The following LDLRAD4 variants were observed in gnomAD, a reference collection of about 807,000 sequenced individuals.
LDLRAD4 encodes the protein low-density lipoprotein receptor class A domain-containing protein 4.
LDLRAD4 carries 5 observed loss-of-function variants against 17.0 expected under a neutral mutation model. The observed-to-expected ratio is 0.29, with a 90% CI of 0.15 to 0.62. The LOEUF is 0.62. Among genes scored for constraint, LDLRAD4 ranks in the 20% least tolerant of loss-of-function variants. The pLI, the probability that LDLRAD4 is intolerant of heterozygous loss-of-function variation, is 0.84. For missense variants in LDLRAD4, 340 were observed against 424.7 expected, an observed-to-expected ratio of 0.80 and a Z score of 1.75; for synonymous variants, 168 against 171.8, an observed-to-expected ratio of 0.98 and a Z score of 0.17.
intron 3 of LDLRAD4, among the ~76,000 whole-genome samples, chr18:13,450,564 G>A (rs1161602778): frequency 1.3e-5 from 2 of 152,206 alleles, no homozygotes; most frequent in Admixed American, 6.5e-5. Flanking sequence ...AGAGGCATGG[G>A]CTGGGCTCTA....
chr18:13,636,277 A>T (rs116243070), intron 4 of LDLRAD4, among the ~76,000 whole-genome samples: 1,904 of 152,246 alleles, frequency 0.013, 44 homozygotes, highest in African/African-American at 0.043. Context: ...TGGACAAAAA[A>T]GGTCGGCCCC....
At chr18:13,526,719 G>C (rs940872046) in intron 3 of LDLRAD4, 1 of 152,126 alleles carries the variant, frequency 6.6e-6, no homozygotes, top group East Asian at 1.9e-4. Flanking sequence ...CATCTTTATC[G>C]CATCCTCGAA....
chr18:13,589,814 C>G (rs764013756), intron 3 of LDLRAD4, among the ~76,000 whole-genome samples: 6 of 152,008 alleles, frequency 3.9e-5, no homozygotes, highest in African/African-American at 1.5e-4. Context: ...GAGGTTATGA[C>G]GCCCAGGAGA....
chr18:13,409,487 G>A (rs2145667418), intron 2 of LDLRAD4, among the ~76,000 whole-genome samples: 1 of 152,338 alleles, frequency 6.6e-6, no homozygotes, highest in Non-Finnish European at 1.5e-5. Context: ...TTAAGCTACT[G>A]ATAGATAGGT....
intron 1 of LDLRAD4, among the ~76,000 whole-genome samples, chr18:13,323,360 G>A (rs1489906225): frequency 1.3e-5 from 2 of 152,256 alleles, no homozygotes; most frequent in African/African-American, 4.8e-5. Context: ...GTTCCTGAAA[G>A]TGAGCTCTCG....
At chr18:13,391,310 G>A (rs978869160) in intron 2 of LDLRAD4, among the ~76,000 whole-genome samples, 9 of 152,264 alleles carry the variant, frequency 5.9e-5, no homozygotes, top group Non-Finnish European at 1.3e-4. Flanking sequence ...GGCTGTGGGG[G>A]AGGGCTGGGA....
chr18:13,270,295 GCAGAGCCTGCTAT>G (rs2044457138), intron 1 of LDLRAD4, among the ~76,000 whole-genome samples: 1 of 151,932 alleles, frequency 6.6e-6, no homozygotes, highest in Non-Finnish European at 1.5e-5. Context: ...CACCCAGGAA[GCAGAGCCTGCTAT>G]GAGCTGTGAT....
intron 1 of LDLRAD4, among the ~76,000 whole-genome samples, chr18:13,243,041 C>T (rs751956749): frequency 1.3e-5 from 2 of 152,276 alleles, no homozygotes; most frequent in Non-Finnish European, 2.9e-5. Context: ...CTCAGTTCTG[C>T]AGCAGCTGAG....
At chr18:13,484,156 A>T (rs1012614260) in intron 3 of LDLRAD4, 1 of 152,188 alleles carries the variant, frequency 6.6e-6, no homozygotes, top group Non-Finnish European at 1.5e-5. Flanking sequence ...CCTCCTCAGA[A>T]GTGTGGCTCC....
chr18:13,529,355 G>T (rs941321842), intron 3 of LDLRAD4, among the ~76,000 whole-genome samples: 9 of 152,254 alleles, frequency 5.9e-5, no homozygotes, highest in Non-Finnish European at 1.3e-4. Context: ...GGCCTTTGAT[G>T]ATACAAATGG....
intron 1 of LDLRAD4, among the ~76,000 whole-genome samples, chr18:13,263,625 C>T (rs901205119): frequency 3.3e-5 from 5 of 152,198 alleles, no homozygotes; most frequent in Non-Finnish European, 7.4e-5. Context: ...ATGCTTCACT[C>T]AACCCTCCTG....
intron 4 of LDLRAD4, among the ~76,000 whole-genome samples, chr18:13,628,915 C>T (rs970586092): frequency 3.3e-5 from 5 of 152,196 alleles, no homozygotes; most frequent in Admixed American, 6.5e-5. Context: ...ACTGCAGCCT[C>T]GAACATTTAG....
chr18:13,452,460 G>T (rs1363144370), intron 3 of LDLRAD4, among the ~76,000 whole-genome samples: 10 of 152,118 alleles, frequency 6.6e-5, no homozygotes. Context: ...ACCCCTGTGA[G>T]CAAGTCTCTG....
At chr18:13,450,912 C>G (rs1360463504) in intron 3 of LDLRAD4, among the ~76,000 whole-genome samples, 1 of 152,126 alleles carries the variant, frequency 6.6e-6, no homozygotes, top group African/African-American at 2.4e-5. Context: ...AGGAGCACCA[C>G]TAGAAAGGTA....
intron 1 of LDLRAD4, among the ~76,000 whole-genome samples, chr18:13,293,461 C>T (rs752592487): frequency 1.3e-5 from 2 of 152,198 alleles, no homozygotes; most frequent in Admixed American, 6.5e-5. Flanking sequence ...ATGGAGCAAA[C>T]ACCTCCTCAT....
At chr18:13,560,036 G>A (rs1253451073) in intron 3 of LDLRAD4, among the ~76,000 whole-genome samples, 2 of 152,200 alleles carry the variant, frequency 1.3e-5, no homozygotes, top group Non-Finnish European at 2.9e-5. Flanking sequence ...TAGCTTTTGA[G>A]TATTATATGG....
intron 2 of LDLRAD4, among the ~76,000 whole-genome samples, chr18:13,403,533 C>A (rs542791149): frequency 1.1e-4 from 17 of 152,170 alleles, no homozygotes; most frequent in African/African-American, 3.9e-4. Flanking sequence ...AAACCCACAA[C>A]GCTGTGTGAC....
chr18:13,289,492 T>C (rs1231017854), intron 1 of LDLRAD4, among the ~76,000 whole-genome samples: 2 of 152,190 alleles, frequency 1.3e-5, no homozygotes, highest in Non-Finnish European at 2.9e-5. Flanking sequence ...TAACACGAAA[T>C]CTTCAGGAGT....
At chr18:13,554,903 C>T (rs2094469135) in intron 3 of LDLRAD4, among the ~76,000 whole-genome samples, 1 of 152,080 alleles carries the variant, frequency 6.6e-6, no homozygotes, top group Non-Finnish European at 1.5e-5. Flanking sequence ...GGTAGAGAAA[C>T]CTGACAAACA....
Sources: gnomAD v4.1 joint callset for allele counts (sites outside exome capture counted in the v4.1 genomes callset) on GRCh38, gnomAD v4.1.1 for gene constraint, MANE v1.5 for transcripts, NCBI Gene and HGNC (gene_info 2026-07-23, HGNC 2026-07-21) for gene names.